The following YARS1 variants were observed in gnomAD, a reference collection of about 807,000 sequenced individuals.
YARS1 encodes tyrosyl-tRNA synthetase 1, also known as tyrosine--tRNA ligase, cytoplasmic.
In YARS1, 36 loss-of-function variants were observed where a neutral mutation model predicts 62.2. That is an observed-to-expected ratio of 0.58 (90% confidence interval 0.44 to 0.76). YARS1 has a LOEUF of 0.76. Ranked by LOEUF, YARS1 falls within the 30% of genes least tolerant of loss-of-function variation. The pLI is 0.00. For synonymous variants in YARS1, 234 were observed against 244.9 expected (o/e 0.96, Z 0.42); for missense variants, 524 against 639.8 (o/e 0.82, Z 1.95).
At chr1:32,798,806 G>A (rs980200509) in intron 4 of YARS1, among the ~76,000 whole-genome samples, 1 of 152,186 alleles carries the variant, frequency 6.6e-6, no homozygotes, top group Admixed American at 6.6e-5. Flanking sequence ...CTGGGAGACA[G>A]AGTGAAGCCC....
chr1:32,786,765 A>G (rs185287412), intron 7 of YARS1, 175 bp downstream of exon 7: 2 of 957,220 alleles, frequency 2.1e-6, no homozygotes, highest in Admixed American at 2.7e-5. Flanking sequence ...TAACGAATAT[A>G]TGGACAATTA....
chr1:32,800,016 T>G (rs557428194), intron 4 of YARS1, among the ~76,000 whole-genome samples: 1 of 152,236 alleles, frequency 6.6e-6, no homozygotes, highest in South Asian at 2.1e-4. Flanking sequence ...GGTCTCACTC[T>G]GTCACCCAGG....
chr1:32,809,778 C>G (rs1321042582), intron 3 of YARS1, among the ~76,000 whole-genome samples: 1 of 152,102 alleles, frequency 6.6e-6, no homozygotes, highest in African/African-American at 2.4e-5. Flanking sequence ...TAATAGAGCG[C>G]TATGTACTTA....
In YARS1 at chr1:32,800,148, T is replaced by C. The variant is rs370132067; in HGVS notation, c.511-2305A>G. ...GGGGCATGCCACCACACCTGGCTAA[T>C]TTTTGTATTATTTGGCAGAGATGGG... On this transcript the variant is annotated intron_variant, in intron 4 of 12. Coordinates refer to ENST00000373477, the MANE Select transcript of YARS1 (RefSeq NM_003680.4). 1.5e-4 allele frequency among the ~76,000 whole-genome samples: 23 copies of C among 152,112 alleles called. 1 individual carries two copies. The South Asian group carries it at 4.8e-3, about 32-fold the overall frequency.
At chr1:32,808,006 A>G (rs71646399) in intron 3 of YARS1, among the ~76,000 whole-genome samples, 6,868 of 151,400 alleles carry the variant, frequency 0.045, 186 homozygotes, top group African/African-American at 0.077. Flanking sequence ...TCTCAGCTCA[A>G]GTGATCCTCC....
chr1:32,809,670 G>C (rs1177383051), intron 3 of YARS1, among the ~76,000 whole-genome samples: 1 of 152,174 alleles, frequency 6.6e-6, no homozygotes, highest in East Asian at 1.9e-4. Flanking sequence ...CTACTTACTA[G>C]ATGTATAAAC....
At chr1:32,784,256 TCTC>T (rs537411939) in intron 8 of YARS1, among the ~76,000 whole-genome samples, 2 of 151,302 alleles carry the variant, frequency 1.3e-5, no homozygotes, top group Non-Finnish European at 3.0e-5. Context: ...CTCAAGCAAT[TCTC>T]CTGCCTTGGC....
chr1:32,810,693 C>T lies in YARS1; in HGVS notation c.278G>A (p.Arg93Gln). The T allele has an allele frequency of 3.1e-6, 5 of 1,614,160 alleles. No individual in the cohort carries two copies. Among genetic ancestry groups the T allele is most frequent in the Non-Finnish European group, 4.2e-6 (5 of 1,180,026 alleles). The change falls in exon 3 of 13, where the codon CGA (arginine) becomes CAA (glutamine). Residue 93 changes from arginine (R) to glutamine (Q), a missense_variant. By Grantham distance (43) the Arg-to-Gln change is conservative. Coordinates refer to ENST00000373477, the MANE Select transcript of YARS1 (RefSeq NM_003680.4). ...MKAPWELLEL[R>Q]VSYYENVIKA... ...GATCACATTCTCATAGTAACTGACTCGGAGTTCTAGAAGTTCCCATGGGGC... is the reference window on the plus strand; with the variant it reads ...GATCACATTCTCATAGTAACTGACTTGGAGTTCTAGAAGTTCCCATGGGGC...
intron 1 of YARS1, among the ~76,000 whole-genome samples, chr1:32,813,347 C>T (rs1638628356): frequency 6.6e-6 from 1 of 152,156 alleles, no homozygotes; most frequent in Non-Finnish European, 1.5e-5. Context: ...AAGATGGAGT[C>T]TCACTCTGTT....
chr1:32,816,918 G>A, intron 1 of YARS1: 1 of 587,044 alleles, frequency 1.7e-6, no homozygotes, highest in Non-Finnish European at 3.0e-6. Context: ...GCACTTAATA[G>A]GGGGGTGGAA....
intron 3 of YARS1, among the ~76,000 whole-genome samples, chr1:32,807,009 C>T (rs1392563565): frequency 6.6e-6 from 1 of 152,112 alleles, no homozygotes; most frequent in Admixed American, 6.6e-5. Flanking sequence ...AGGCATGGAG[C>T]CCAGACTGCA....
chr1:32,792,552 T>C (rs528712071), intron 5 of YARS1, among the ~76,000 whole-genome samples: 47 of 149,734 alleles, frequency 3.1e-4, no homozygotes, highest in African/African-American at 1.1e-3. Flanking sequence ...AATCCAGATA[T>C]TGCAATAAAT....
intron 1 of YARS1, among the ~76,000 whole-genome samples, chr1:32,813,611 C>T (rs1350344216): frequency 3.3e-5 from 5 of 152,106 alleles, no homozygotes; most frequent in African/African-American, 1.2e-4. Context: ...TGGGCCACCA[C>T]ACCTGGCCTC....
chr1:32,801,575 T>A (rs1638294569), intron 4 of YARS1, among the ~76,000 whole-genome samples: 1 of 152,084 alleles, frequency 6.6e-6, no homozygotes, highest in Non-Finnish European at 1.5e-5. Context: ...CTGTGGCAAT[T>A]CCCTAAAATA....
chr1:32,787,081 A>G lies in YARS1; in HGVS notation c.685-6T>C. ...AGGAGATCAATCTTGGACTCCTAGA[A>G]GTCATAGAACGGAAGAGGACCTCTT... On this transcript the variant is annotated splice_polypyrimidine_tract_variant and splice_region_variant and intron_variant, in intron 6 of 12. Coordinates refer to ENST00000373477, the MANE Select transcript of YARS1 (RefSeq NM_003680.4). The G allele has an allele frequency of 6.2e-7, 1 of 1,614,086 alleles. No homozygotes were observed. The highest frequency in any genetic ancestry group is 8.5e-7 in the Non-Finnish European group (1 of 1,180,018).
intron 3 of YARS1, among the ~76,000 whole-genome samples, chr1:32,807,888 AT>A (rs1212424871): frequency 3.3e-5 from 5 of 152,180 alleles, no homozygotes; most frequent in Admixed American, 2.6e-4. Context: ...TTCAACTGAT[AT>A]CAAAATTTCC....
At chr1:32,790,807 C>A in intron 6 of YARS1, 1 of 271,358 alleles carries the variant, frequency 3.7e-6, no homozygotes, top group South Asian at 3.9e-5. Flanking sequence ...TAAAAGATAT[C>A]ATAATATTAG....
chr1:32,786,911 G>T (rs1160022547), intron 7 of YARS1, 29 bp downstream of exon 7: 3 of 1,613,738 alleles, frequency 1.9e-6, no homozygotes, highest in Non-Finnish European at 1.7e-6. Context: ...TTCTAGCCTG[G>T]CCTCTAGGAA....
At chr1:32,814,548 C>T (rs1199625697) in intron 1 of YARS1, among the ~76,000 whole-genome samples, 1 of 152,154 alleles carries the variant, frequency 6.6e-6, no homozygotes, top group African/African-American at 2.4e-5. Flanking sequence ...CGCCACCAGG[C>T]CAGAGAAATT....
Sources: allele counts gnomAD v4.1 joint callset (sites outside exome capture counted in the v4.1 genomes callset), GRCh38; gene constraint gnomAD v4.1.1; transcripts MANE v1.5; gene names NCBI Gene and HGNC (gene_info 2026-07-23, HGNC 2026-07-21).